TRAF3IP1: variants seen among roughly 807,000 people sequenced by gnomAD.
TRAF3IP1 encodes TRAF3-interacting protein 1.
A neutral mutation model predicts 89.9 loss-of-function variants in TRAF3IP1; 53 were observed. The observed-to-expected ratio is 0.59, with a 90% CI of 0.47 to 0.74. TRAF3IP1 has a LOEUF of 0.74. TRAF3IP1 is among the 30% of genes least tolerant of loss of function. The probability of loss-of-function intolerance (pLI) is 0.00; values close to 1 mark genes in which losing one functional copy is unlikely to be tolerated. For synonymous variants in TRAF3IP1, 311 were observed against 322.1 expected (o/e 0.97, Z 0.37); for missense variants, 806 against 866.1 (o/e 0.93, Z 0.87).
chr2:238,343,393 T>C (rs989657741), intron 8 of TRAF3IP1, among the ~76,000 whole-genome samples: 1 of 152,066 alleles, frequency 6.6e-6, no homozygotes, highest in African/African-American at 2.4e-5. Context: ...TCCTACCCTT[T>C]TTTTTTCAGA....
At chr2:238,352,192 A>G (rs1447178932) in intron 12 of TRAF3IP1, among the ~76,000 whole-genome samples, 2 of 152,106 alleles carry the variant, frequency 1.3e-5, no homozygotes, top group African/African-American at 2.4e-5. Flanking sequence ...GTCACCAAGG[A>G]GGACAAGGTC....
intron 8 of TRAF3IP1, among the ~76,000 whole-genome samples, chr2:238,338,692 A>G (rs1253207742): frequency 6.6e-6 from 1 of 152,226 alleles, no homozygotes; most frequent in Admixed American, 6.5e-5. Context: ...TTATACATAG[A>G]TTATTTTTAC....
At chr2:238,398,531 C>T (rs1285324547) in intron 16 of TRAF3IP1, among the ~76,000 whole-genome samples, 1 of 152,018 alleles carries the variant, frequency 6.6e-6, no homozygotes, top group Non-Finnish European at 1.5e-5. Context: ...AATTTAAGGA[C>T]TTCAAGATTA....
intron 15 of TRAF3IP1, among the ~76,000 whole-genome samples, chr2:238,396,346 A>G (rs889578424): frequency 7.8e-6 from 1 of 127,428 alleles, no homozygotes; most frequent in Non-Finnish European, 1.6e-5. Flanking sequence ...ACATGGACAC[A>G]GGAAGGGGAA....
At position 238,397,466 on chromosome 2, in the gene TRAF3IP1, C is replaced by T. The variant is rs1470891102; in HGVS notation, c.1697C>T (p.Ser566Phe). The T allele has an allele frequency of 1.2e-5, 20 of 1,612,806 alleles. No homozygotes were observed. Among genetic ancestry groups the T allele is most frequent in the South Asian group, 2.2e-5 (2 of 91,036 alleles). The change falls in exon 16 of 17, where the codon TCT becomes TTT. Residue 566 changes from serine (S) to phenylalanine (F), a missense_variant. Ser to Phe is a radical substitution (Grantham distance 155). Around this residue, in one of 3 missense-constraint regions of TRAF3IP1, gnomAD observed 732 missense variants for 780.5 expected, o/e 0.94. Coordinates refer to ENST00000373327, the MANE Select transcript of TRAF3IP1 (RefSeq NM_015650.4). ...ATGTCTCCCTGACTGTAGGAGCGAT[C>T]TCTCTTTGAGTCGGCATGGAAGAAG... ...QSPKPGEKER[S>F]LFESAWKKEK... is the part of the protein sequence containing the mutation.
At chr2:238,367,875 C>G (rs1699952182) in intron 15 of TRAF3IP1, among the ~76,000 whole-genome samples, 1 of 152,204 alleles carries the variant, frequency 6.6e-6, no homozygotes, top group Admixed American at 6.5e-5. Context: ...GCCTGTGCCT[C>G]CCTGTCTCAG....
In TRAF3IP1 at chr2:238,349,369, T is replaced by A; in HGVS notation, c.1412T>A (p.Val471Asp). 1.9e-6 allele frequency: 3 copies of A among 1,613,848 alleles called. No homozygotes were observed. Among genetic ancestry groups the A allele is most frequent in the Non-Finnish European group, 2.5e-6 (3 of 1,179,978 alleles). Reference protein sequence around the residue: ...PGSARPAPPRVKRQDSMEALQ... With the variant: ...PGSARPAPPRDKRQDSMEALQ... ...AGTGCAAGACCAGCCCCTCCCCGGG[T>A]CAAACGGCAAGACAGCATGGAGGCG... Residue 471 changes from valine (V) to aspartate (D), a missense_variant, in exon 12 of 17, where the codon GTC becomes GAC. By Grantham distance (152) the Val-to-Asp change is radical (BLOSUM62 -3). Transcript: ENST00000373327.
chr2:238,373,414 G>C (rs1007790353), intron 15 of TRAF3IP1, among the ~76,000 whole-genome samples: 7 of 152,060 alleles, frequency 4.6e-5, no homozygotes, highest in African/African-American at 1.7e-4. Context: ...TCTTGTTTTT[G>C]TCAGGTTTGT....
intron 15 of TRAF3IP1, among the ~76,000 whole-genome samples, chr2:238,395,805 T>C (rs1307547676): frequency 6.6e-6 from 1 of 152,160 alleles, no homozygotes; most frequent in Non-Finnish European, 1.5e-5. Context: ...CCATCAGAGA[T>C]ATGCAAATCA....
intron 12 of TRAF3IP1, among the ~76,000 whole-genome samples, chr2:238,352,135 C>T (rs1699199609): frequency 6.6e-6 from 1 of 151,916 alleles, no homozygotes; most frequent in African/African-American, 2.4e-5. Context: ...TGGGGCAGTT[C>T]TAGTAGGTGG....
chr2:238,365,356 ATTG>A (rs936776918), intron 15 of TRAF3IP1, among the ~76,000 whole-genome samples: 1 of 152,122 alleles, frequency 6.6e-6, no homozygotes, highest in African/African-American at 2.4e-5. Context: ...TTCCATTGAA[ATTG>A]TTGTTAAAGA....
At chr2:238,332,673 T>C (rs1034828484) in intron 5 of TRAF3IP1, 151 bp from the exon 6 acceptor site, 6 of 612,526 alleles carry the variant, frequency 9.8e-6, no homozygotes, top group African/African-American at 1.9e-5. Context: ...GCAGTAACAA[T>C]TGTGGCGATC....
rs1178590570 is a variant in TRAF3IP1, at chr2:238,351,862, T to TGC, written c.1452-964_1452-963insCG. Among the ~76,000 whole-genome samples the TGC allele has an allele frequency of 0.019, 1,799 of 95,320 alleles. 20 individuals are homozygous for TGC. Among genetic ancestry groups the TGC allele is most frequent in the Non-Finnish European group, 0.025 (1,284 of 50,654 alleles). The allele number at this position is 95,320 out of a possible 152,430, so 62.5% of individuals were successfully genotyped here. On this transcript the variant is annotated intron_variant, in intron 12 of 16. Transcript: ENST00000373327. The surrounding 1 kb of genome is among the most constrained non-coding windows in gnomAD (Gnocchi z 5.2). ...GTGTGTGTGTGTGTGTGTGTGTGTG[T>TGC]GTGTGCGCGCGCGCGCGTGTGCGTG...
chr2:238,330,216 C>T (rs983408493), intron 5 of TRAF3IP1, among the ~76,000 whole-genome samples: 1 of 152,172 alleles, frequency 6.6e-6, no homozygotes, highest in African/African-American at 2.4e-5. Context: ...ATTAGGGCTG[C>T]TTTCAAGGGC....
At chr2:238,346,168 G>C (rs185467795) in intron 9 of TRAF3IP1, among the ~76,000 whole-genome samples, 134 of 152,222 alleles carry the variant, frequency 8.8e-4, no homozygotes, top group African/African-American at 3.1e-3. Flanking sequence ...ACACGCTCCA[G>C]GCCGCACAGC....
At chr2:238,321,007 C>G (rs1236452229) in intron 1 of TRAF3IP1, among the ~76,000 whole-genome samples, 2 of 148,884 alleles carry the variant, frequency 1.3e-5, no homozygotes, top group African/African-American at 2.5e-5. Context: ...GGGTGTGGGC[C>G]GGGCACAGGG....
rs1697476086 is a variant in TRAF3IP1 at position 238,320,670 on chromosome 2, C to T, written c.8C>T (p.Ala3Val). Residue 3 changes from alanine (A) to valine (V), a missense_variant, in exon 1 of 17, where the codon GCG (alanine) becomes GTG (valine). By Grantham distance (64) the Ala-to-Val change is moderately conservative. Coordinates refer to ENST00000373327, the MANE Select transcript of TRAF3IP1 (RefSeq NM_015650.4). MNAAVVRRTQEAL... is the reference protein window; with the variant it reads MNVAVVRRTQEAL... The stretch of plus-strand genomic sequence containing the variant: ...CGGGCGGCGGACGCCGTCATGAACG[C>T]GGCGGTGGTGAGGCGGACGCAGGAG... 1.4e-6 allele frequency: 2 copies of T among 1,392,090 alleles called. No homozygotes were observed. The highest frequency in any genetic ancestry group is 3.0e-5 in the African/African-American group (2 of 66,374). 86.2% of individuals were successfully genotyped at this position (1,392,090 alleles called of 1,614,324 possible). A position where few individuals can be genotyped will look rare whatever the true frequency, so the allele number is the denominator to read the frequency against.
intron 2 of TRAF3IP1, 91 bp downstream of exon 2, chr2:238,325,465 T>C (rs1407544092): frequency 7.7e-7 from 1 of 1,306,942 alleles, no homozygotes; most frequent in Non-Finnish European, 1.1e-6. Context: ...GTCATTTCTC[T>C]GCTGCATGTG....
chr2:238,361,437 T>C (rs889731590), intron 15 of TRAF3IP1, among the ~76,000 whole-genome samples: 1 of 152,216 alleles, frequency 6.6e-6, no homozygotes, highest in African/African-American at 2.4e-5. Flanking sequence ...TACTTTATTT[T>C]TGATTTTGTC....
Sources: gnomAD v4.1 joint callset for allele counts (sites outside exome capture counted in the v4.1 genomes callset) on GRCh38, gnomAD v4.1.1 for gene constraint, gnomAD v4.1.1 regional missense constraint, Gnocchi (gnomAD v3.1) non-coding constraint, MANE v1.5 for transcripts, NCBI Gene and HGNC (gene_info 2026-07-23, HGNC 2026-07-21) for gene names.